PTPRN2: variants seen among roughly 807,000 people sequenced by gnomAD.
The protein encoded by PTPRN2 is receptor-type tyrosine-protein phosphatase N2.
Under a neutral mutation model 118.8 loss-of-function variants are expected in PTPRN2, and 74 were observed. The ratio of observed to expected loss-of-function variants is 0.62; its 90% confidence interval spans 0.52 to 0.76. PTPRN2 has a LOEUF of 0.76. Among genes scored for constraint, PTPRN2 ranks in the 30% least tolerant of loss-of-function variants. PTPRN2 has a pLI of 0.00. For synonymous variants in PTPRN2, 641 were observed against 608.0 expected (o/e 1.05, Z -0.80); for missense variants, 1,481 against 1,394.4 (o/e 1.06, Z -0.99).
intron 4 of PTPRN2, among the ~76,000 whole-genome samples, chr7:158,195,851 C>CA (rs1826171042): frequency 6.6e-6 from 1 of 152,130 alleles, no homozygotes; most frequent in African/African-American, 2.4e-5. Flanking sequence ...TCTATATATT[C>CA]ACATTGTGAA....
intron 1 of PTPRN2, among the ~76,000 whole-genome samples, chr7:158,510,830 C>A (rs142262405): frequency 6.6e-6 from 1 of 152,168 alleles, no homozygotes; most frequent in African/African-American, 2.4e-5. Context: ...ACACTGAGGG[C>A]GTTTTGCAGG....
intron 5 of PTPRN2, among the ~76,000 whole-genome samples, chr7:158,188,524 C>T (rs1194523785): frequency 1.4e-5 from 1 of 69,360 alleles, no homozygotes; most frequent in African/African-American, 7.2e-5. Flanking sequence ...AAGGCCGCCA[C>T]GCTCGCCGCC....
At chr7:157,760,815 A>C (rs1454029198) in intron 12 of PTPRN2, among the ~76,000 whole-genome samples, 5 of 152,196 alleles carry the variant, frequency 3.3e-5, no homozygotes, top group Non-Finnish European at 4.4e-5. Context: ...TTGGGCTGAG[A>C]CAATGGGGTT....
At position 158,063,612 on chromosome 7, in the gene PTPRN2, T is replaced by A. The variant is rs1222603414; in HGVS notation, c.1723+17686A>T. 5.9e-5 allele frequency among the ~76,000 whole-genome samples: 9 copies of A among 152,214 alleles called. No homozygotes were observed. The East Asian group carries it at 1.5e-3, about 26-fold the overall frequency. On this transcript the variant is annotated intron_variant, in intron 11 of 22. Transcript: ENST00000389418. ...ACTCTTTGGGTCTGCACTGCCTTTA[T>A]GAGCTGTAACACTCACCATGAAGGT... is the stretch of plus-strand genomic sequence containing the variant.
chr7:158,235,426 C>G (rs1049751474), intron 3 of PTPRN2, among the ~76,000 whole-genome samples: 4 of 152,126 alleles, frequency 2.6e-5, no homozygotes, highest in Non-Finnish European at 5.9e-5. Context: ...AAAAAGGGTG[C>G]AAGCCTGTCA....
intron 12 of PTPRN2, among the ~76,000 whole-genome samples, chr7:157,708,156 G>A (rs10256738): frequency 1.3e-5 from 2 of 152,168 alleles, no homozygotes; most frequent in East Asian, 1.9e-4. Flanking sequence ...GCTTTGCCTC[G>A]GATGGGCACC....
At chr7:157,994,321 C>G (rs957032278) in intron 11 of PTPRN2, among the ~76,000 whole-genome samples, 2 of 152,176 alleles carry the variant, frequency 1.3e-5, no homozygotes, top group Admixed American at 6.5e-5. Context: ...TCATATTTCT[C>G]CTCTTAAAGC....
intron 2 of PTPRN2, among the ~76,000 whole-genome samples, chr7:158,386,686 C>T (rs1017448228): frequency 6.6e-6 from 1 of 152,170 alleles, no homozygotes; most frequent in African/African-American, 2.4e-5. Context: ...CAATCTTATC[C>T]ACCATCACCA....
intron 3 of PTPRN2, among the ~76,000 whole-genome samples, chr7:158,260,431 A>G (rs1297309696): frequency 6.6e-6 from 1 of 152,212 alleles, no homozygotes; most frequent in Non-Finnish European, 1.5e-5. Flanking sequence ...ATGTATAGTA[A>G]TGCATGCATT....
rs2094270281 is a variant in PTPRN2, at chr7:157,585,465, G to A, written c.2497-7325C>T. On this transcript the variant is annotated intron_variant, in intron 17 of 22. Transcript: ENST00000389418. This position sits in a 1 kb window ranked among gnomAD's most constrained non-coding sequence, Gnocchi z 5.2. ...CATCCTGCCGCATAGGGGTTCCCAC[G>A]GTGGGAATGCACTCACACACTGGAC... 6.6e-6 allele frequency among the ~76,000 whole-genome samples: 1 copy of A among 152,162 alleles called. No homozygotes were observed. Among genetic ancestry groups the A allele is most frequent in the African/African-American group, 2.4e-5 (1 of 41,436 alleles).
chr7:158,084,538 A>G (rs1813102871), intron 10 of PTPRN2, among the ~76,000 whole-genome samples: 1 of 152,086 alleles, frequency 6.6e-6, no homozygotes, highest in African/African-American at 2.4e-5. Context: ...TAAAAAGTAA[A>G]ACAAAGATGC....
intron 11 of PTPRN2, among the ~76,000 whole-genome samples, chr7:157,907,981 C>T (rs1797872723): frequency 6.6e-6 from 1 of 152,234 alleles, no homozygotes. Flanking sequence ...GCCTGTCTGT[C>T]CCCCGTGACC....
At chr7:158,365,627 C>G (rs976801208) in intron 2 of PTPRN2, among the ~76,000 whole-genome samples, 1 of 144,572 alleles carries the variant, frequency 6.9e-6, no homozygotes, top group Admixed American at 6.7e-5. Context: ...CCCACAGCAT[C>G]CCTGGGAGAA....
chr7:157,546,639 T>C (rs1014147571), intron 22 of PTPRN2, among the ~76,000 whole-genome samples: 1 of 152,262 alleles, frequency 6.6e-6, no homozygotes, highest in Non-Finnish European at 1.5e-5. Flanking sequence ...TAGTCTTCCA[T>C]GGTGTATATG....
chr7:157,654,829 C>T (rs1406965382), intron 14 of PTPRN2, among the ~76,000 whole-genome samples: 1 of 152,214 alleles, frequency 6.6e-6, no homozygotes, highest in East Asian at 1.9e-4. Flanking sequence ...AATATCAGAA[C>T]ACAATGAGAG....
intron 11 of PTPRN2, among the ~76,000 whole-genome samples, chr7:157,901,461 A>C (rs990357416): frequency 1.3e-5 from 2 of 152,184 alleles, no homozygotes; most frequent in Non-Finnish European, 2.9e-5. Flanking sequence ...GGACAGAAAT[A>C]ATCTCAAGGG....
At chr7:158,070,966 TCA>T (rs1811348955) in intron 11 of PTPRN2, among the ~76,000 whole-genome samples, 31 of 41,008 alleles carry the variant, frequency 7.6e-4, no homozygotes, top group African/African-American at 2.7e-3. Flanking sequence ...GTGGAGGTGC[TCA>T]CGGTGGAGGT....
At chr7:158,275,548 C>A (rs925698072) in intron 3 of PTPRN2, among the ~76,000 whole-genome samples, 3 of 152,206 alleles carry the variant, frequency 2.0e-5, no homozygotes, top group African/African-American at 2.4e-5. Flanking sequence ...GATTTAATTG[C>A]TAGAAATTAC....
chr7:157,919,428 G>T (rs1049969224), intron 11 of PTPRN2, among the ~76,000 whole-genome samples: 7 of 152,120 alleles, frequency 4.6e-5, no homozygotes, highest in Non-Finnish European at 7.4e-5. Context: ...GGTGGGTTTC[G>T]AATACTGAGA....
Sources: gnomAD v4.1 joint callset for allele counts (sites outside exome capture counted in the v4.1 genomes callset) on GRCh38, gnomAD v4.1.1 for gene constraint, Gnocchi (gnomAD v3.1) non-coding constraint, MANE v1.5 for transcripts, NCBI Gene and HGNC (gene_info 2026-07-23, HGNC 2026-07-21) for gene names.